Variants in EAPP observed in about 807,000 individuals in gnomAD.
EAPP encodes the protein E2F associated phosphoprotein, also known as E2F-associated phosphoprotein.
EAPP carries 38 observed loss-of-function variants against 34.3 expected under a neutral mutation model. That is an observed-to-expected ratio of 1.11 (90% CI 0.85 to 1.45). The LOEUF is 1.45. Ranked by LOEUF, EAPP falls within the 40% of genes most tolerant of loss-of-function variation. EAPP has a pLI of 0.00. For synonymous variants in EAPP, 113 were observed against 117.6 expected (o/e 0.96, Z 0.25); for missense variants, 338 against 343.7 (o/e 0.98, Z 0.13).
At position 34,523,458 on chromosome 14, in the gene EAPP, C is replaced by A. The variant is rs866471174; in HGVS notation, c.581+1239G>T. 4.6e-4 allele frequency among the ~76,000 whole-genome samples: 69 copies of A among 151,524 alleles called. 1 individual carries two copies. The highest frequency in any genetic ancestry group is 3.5e-3 in the Middle Eastern group (1 of 286). On this transcript the variant is annotated intron_variant, in intron 5 of 5. Coordinates refer to ENST00000250454, the MANE Select transcript of EAPP (RefSeq NM_018453.4). Reference sequence around the variant, plus strand: ...TTCACCGTGGTCTCGATCTCCTGACCTCGTGATCCGCCCACCTCGGTCTCC... The same window carrying A: ...TTCACCGTGGTCTCGATCTCCTGACATCGTGATCCGCCCACCTCGGTCTCC...
chr14:34,522,013 C>T (rs1879935053), intron 5 of EAPP, among the ~76,000 whole-genome samples: 1 of 152,052 alleles, frequency 6.6e-6, no homozygotes, highest in African/African-American at 2.4e-5. Context: ...TTCTGGAGTA[C>T]AGTGGCACAA....
chr14:34,529,314 A>G (rs760266543), intron 4 of EAPP, 44 bp downstream of exon 4: 4 of 1,385,426 alleles, frequency 2.9e-6, no homozygotes, highest in Non-Finnish European at 4.1e-6. Flanking sequence ...TCATCTTTCA[A>G]TCTTTTTTTC....
intron 4 of EAPP, among the ~76,000 whole-genome samples, chr14:34,525,375 C>G (rs1465648214): frequency 2.0e-5 from 3 of 151,356 alleles, no homozygotes; most frequent in Non-Finnish European, 2.9e-5. Context: ...AGGTCAATAC[C>G]AACACACAAA....
At position 34,516,531 on chromosome 14, in the gene EAPP, T is replaced by C; in HGVS notation, c.637A>G (p.Asn213Asp). The C allele has an allele frequency of 6.2e-7, 1 of 1,614,104 alleles. No homozygotes were observed. The highest frequency in any genetic ancestry group is 8.5e-7 in the Non-Finnish European group (1 of 1,179,972). Residue 213 changes from asparagine to aspartate, a missense_variant, in exon 6 of 6, where the codon AAC becomes GAC. Coordinates refer to ENST00000250454, the MANE Select transcript of EAPP (RefSeq NM_018453.4). ...RAMFVMNCSI[N>D]KEEVLRYKAS... is the part of the protein sequence containing the mutation. ...TTATATCTTAGAACCTCCTCTTTGT[T>C]AATAGAACAATTCATTACAAACATT... is the stretch of plus-strand genomic sequence containing the variant.
At chr14:34,521,477 G>T (rs1020298128) in intron 5 of EAPP, among the ~76,000 whole-genome samples, 1 of 151,928 alleles carries the variant, frequency 6.6e-6, no homozygotes, top group Non-Finnish European at 1.5e-5. Context: ...TTTATATCTT[G>T]TAGACCTTCA....
Position 34,516,423 on chromosome 14 carries a change from C to G in EAPP, c.745G>C (p.Asp249His). The change falls in exon 6 of 6, where the codon GAT becomes CAT. Residue 249 changes from aspartate to histidine, a missense_variant. Physicochemically the swap from Asp to His is moderately conservative, Grantham distance 81 (BLOSUM62 -1). Coordinates refer to ENST00000250454, the MANE Select transcript of EAPP (RefSeq NM_018453.4). The stretch of plus-strand genomic sequence containing the variant: ...ACTGGGTGATAGATTTCTTCCACAT[C>G]TGTCTCTGCCTTCTCGGCAGCATCT... ...REDAAEKAET[D>H]VEEIYHPVMC... The G allele has an allele frequency of 1.2e-6, 2 of 1,614,204 alleles. No individual in the cohort carries two copies. Among genetic ancestry groups the G allele is most frequent in the Non-Finnish European group, 1.7e-6 (2 of 1,180,026 alleles).
chr14:34,531,373 C>T (rs567005163), intron 3 of EAPP, among the ~76,000 whole-genome samples: 8 of 152,006 alleles, frequency 5.3e-5, no homozygotes, highest in African/African-American at 1.4e-4. Flanking sequence ...AAGCCTGAGG[C>T]GGGCGGATCA....
intron 1 of EAPP, among the ~76,000 whole-genome samples, chr14:34,537,996 G>A (rs1272801952): frequency 6.6e-6 from 1 of 152,170 alleles, no homozygotes; most frequent in African/African-American, 2.4e-5. Context: ...AATACTGTCT[G>A]ATAACATTGT....
At chr14:34,535,855 C>A in intron 2 of EAPP, 1 of 392,036 alleles carries the variant, frequency 2.6e-6, no homozygotes, top group South Asian at 3.6e-5. Context: ...TATGATCATG[C>A]CACTGCACTC....
chr14:34,529,221 T>G, intron 4 of EAPP, 137 bp downstream of exon 4: 1 of 641,466 alleles, frequency 1.6e-6, no homozygotes. Context: ...TACTGAGCAG[T>G]TTTTTCCTCT....
chr14:34,527,875 A>G (rs571411595), intron 4 of EAPP, among the ~76,000 whole-genome samples: 56 of 152,292 alleles, frequency 3.7e-4, no homozygotes, highest in Non-Finnish European at 7.5e-4. Context: ...TTGAAACTAC[A>G]TAAAAGTGGT....
intron 5 of EAPP, among the ~76,000 whole-genome samples, chr14:34,517,471 ACTC>A (rs1028682155): frequency 7.1e-6 from 1 of 141,756 alleles, no homozygotes; most frequent in African/African-American, 2.6e-5. Context: ...TTCATCTTGA[ACTC>A]CTGACCTCAG....
intron 5 of EAPP, among the ~76,000 whole-genome samples, chr14:34,522,877 T>A (rs1415234485): frequency 6.6e-6 from 1 of 152,116 alleles, no homozygotes; most frequent in African/African-American, 2.4e-5. Context: ...TCTCAGTGCT[T>A]CCTATGAGTT....
At chr14:34,536,708 T>G (rs778180362) in intron 1 of EAPP, among the ~76,000 whole-genome samples, 6 of 151,898 alleles carry the variant, frequency 4.0e-5, no homozygotes, top group Non-Finnish European at 8.8e-5. Context: ...GTTTTTTTGT[T>G]TGTTTGTTTG....
intron 5 of EAPP, among the ~76,000 whole-genome samples, chr14:34,524,414 A>G (rs903941506): frequency 6.6e-6 from 1 of 151,694 alleles, no homozygotes; most frequent in East Asian, 1.9e-4. Context: ...AACTATATCT[A>G]TCTATCTATC....
intron 5 of EAPP, among the ~76,000 whole-genome samples, chr14:34,520,553 A>G (rs1311324615): frequency 1.3e-5 from 2 of 149,520 alleles, no homozygotes; most frequent in Non-Finnish European, 3.0e-5. Flanking sequence ...CCAGGCTGGA[A>G]TGCAGTGGTG....
intron 1 of EAPP, among the ~76,000 whole-genome samples, chr14:34,538,523 G>A (rs1880550667): frequency 6.6e-6 from 1 of 151,928 alleles, no homozygotes; most frequent in Non-Finnish European, 1.5e-5. Flanking sequence ...CTTAACAGCA[G>A]TCTGATTTCC....
At chr14:34,537,612 C>T (rs1336939548) in intron 1 of EAPP, among the ~76,000 whole-genome samples, 1 of 152,200 alleles carries the variant, frequency 6.6e-6, no homozygotes, top group Non-Finnish European at 1.5e-5. Flanking sequence ...ATAATGTCTC[C>T]TTCCAGGACA....
intron 1 of EAPP, chr14:34,539,266 T>C (rs1405876749): frequency 3.3e-6 from 2 of 604,628 alleles, no homozygotes; most frequent in African/African-American, 3.7e-5. Context: ...CTTCCGTCAC[T>C]CTGCTACTAA....
Sources: allele counts gnomAD v4.1 joint callset (sites outside exome capture counted in the v4.1 genomes callset), GRCh38; gene constraint gnomAD v4.1.1; transcripts MANE v1.5; gene names NCBI Gene and HGNC (gene_info 2026-07-23, HGNC 2026-07-21).